Variants in USH2A observed in about 807,000 individuals in gnomAD.
USH2A encodes Usher syndrome 2A (autosomal recessive, mild).
USH2A carries 443 observed loss-of-function variants against 538.9 expected under a neutral mutation model. The observed-to-expected ratio is 0.82, with a 90% CI of 0.76 to 0.89. The LOEUF is 0.89. USH2A is among the 40% of genes least tolerant of loss of function. The pLI is 0.00. For synonymous variants in USH2A, 2,413 were observed against 2,273.5 expected, an observed-to-expected ratio of 1.06 and a Z score of -1.75; for missense variants, 6,633 against 6,324.8, an observed-to-expected ratio of 1.05 and a Z score of -1.65.
chr1:215,840,768 T>C (rs1224426809), intron 46 of USH2A, among the ~76,000 whole-genome samples: 1 of 152,218 alleles, frequency 6.6e-6, no homozygotes, highest in East Asian at 1.9e-4. Flanking sequence ...AAGGTGCCTT[T>C]GAAAACTCAG....
At chr1:216,147,274 T>A (rs1486411532) in intron 21 of USH2A, among the ~76,000 whole-genome samples, 1 of 152,002 alleles carries the variant, frequency 6.6e-6, no homozygotes, top group South Asian at 2.1e-4. Flanking sequence ...CAGCCTCTGC[T>A]CCTCCACCCT....
At chr1:216,045,067 T>G (rs1346295319) in intron 32 of USH2A, among the ~76,000 whole-genome samples, 1 of 152,102 alleles carries the variant, frequency 6.6e-6, no homozygotes, top group Non-Finnish European at 1.5e-5. Flanking sequence ...AGGGACAGTA[T>G]CTGGCCAGTT....
At chr1:215,818,438 T>A (rs1662920489) in intron 47 of USH2A, among the ~76,000 whole-genome samples, 1 of 151,766 alleles carries the variant, frequency 6.6e-6, no homozygotes, top group South Asian at 2.1e-4. Flanking sequence ...ACTAGCATGG[T>A]CTGAAATGAT....
At chr1:215,920,336 C>T (rs1164537152) in intron 38 of USH2A, among the ~76,000 whole-genome samples, 2 of 152,028 alleles carry the variant, frequency 1.3e-5, no homozygotes, top group African/African-American at 4.8e-5. Flanking sequence ...ATTTAATATG[C>T]CACAACCAGT....
chr1:216,333,487 C>T (rs2102668031), intron 4 of USH2A, among the ~76,000 whole-genome samples: 1 of 152,002 alleles, frequency 6.6e-6, no homozygotes, highest in South Asian at 2.1e-4. Flanking sequence ...TCAAGAGTAC[C>T]AGCATAGGCA....
intron 58 of USH2A, among the ~76,000 whole-genome samples, chr1:215,745,642 A>T (rs1248704563): frequency 3.3e-5 from 5 of 152,208 alleles, no homozygotes; most frequent in Non-Finnish European, 7.3e-5. Flanking sequence ...ATTTTTTAAG[A>T]TGAGAAAACT....
intron 11 of USH2A, among the ~76,000 whole-genome samples, chr1:216,260,882 C>T (rs550202094): frequency 5.3e-5 from 8 of 152,162 alleles, no homozygotes; most frequent in East Asian, 3.9e-4. Flanking sequence ...TAAAGAAAGC[C>T]GGGAGCCAGA....
At chr1:216,381,794 G>A (rs768733016) in intron 3 of USH2A, among the ~76,000 whole-genome samples, 7 of 152,092 alleles carry the variant, frequency 4.6e-5, no homozygotes, top group Non-Finnish European at 7.4e-5. Flanking sequence ...CAAGGGATTG[G>A]TTCCAGGATC....
intron 3 of USH2A, among the ~76,000 whole-genome samples, chr1:216,370,677 C>CTAAAAAAAAAAAAAA (rs2038694476): frequency 3.3e-5 from 1 of 29,990 alleles, no homozygotes; most frequent in Non-Finnish European, 6.1e-5. Flanking sequence ...GACTCTGTCT[C>CTAAAAAAAAAAAAAA]AAAAAAAAAA....
At chr1:216,135,166 T>TCTCTCA (rs1478398683) in intron 21 of USH2A, among the ~76,000 whole-genome samples, 14 of 90,344 alleles carry the variant, frequency 1.5e-4, no homozygotes, top group African/African-American at 7.3e-4. Flanking sequence ...TCTCTCTCTC[T>TCTCTCA]CACACACACA....
At chr1:216,245,647 G>GC (rs1558340779) in intron 13 of USH2A, among the ~76,000 whole-genome samples, 1 of 152,016 alleles carries the variant, frequency 6.6e-6, no homozygotes, top group African/African-American at 2.4e-5. Flanking sequence ...AGTTCAAGTT[G>GC]TTTTTTAATA....
At chr1:216,284,386 C>T (rs981418054) in intron 11 of USH2A, among the ~76,000 whole-genome samples, 1 of 152,114 alleles carries the variant, frequency 6.6e-6, no homozygotes, top group African/African-American at 2.4e-5. Context: ...TTCCCCCACC[C>T]TCACTTGGCA....
At chr1:216,274,046 G>C (rs1280799364) in intron 11 of USH2A, among the ~76,000 whole-genome samples, 1 of 152,008 alleles carries the variant, frequency 6.6e-6, no homozygotes, top group Non-Finnish European at 1.5e-5. Flanking sequence ...TTTTTAAAAA[G>C]TTCTGTTGAT....
chr1:216,046,337 G>A, intron 32 of USH2A, 94 bp downstream of exon 32: 1 of 1,403,642 alleles, frequency 7.1e-7, no homozygotes, highest in East Asian at 2.3e-5. Flanking sequence ...TAAATTTGCA[G>A]ATATGGAACC....
intron 61 of USH2A, among the ~76,000 whole-genome samples, chr1:215,715,570 A>G (rs927576942): frequency 7.9e-5 from 12 of 152,116 alleles, no homozygotes; most frequent in Non-Finnish European, 1.5e-4. Context: ...TCCCTAGAAA[A>G]CTTCCAGAGG....
intron 14 of USH2A, among the ~76,000 whole-genome samples, chr1:216,228,799 G>A (rs1220983773): frequency 1.3e-5 from 2 of 152,130 alleles, no homozygotes; most frequent in Admixed American, 1.3e-4. Flanking sequence ...TTTTAAAAAG[G>A]TAATCTCACC....
At chr1:215,810,631 C>A (rs891065273) in intron 49 of USH2A, among the ~76,000 whole-genome samples, 1 of 152,136 alleles carries the variant, frequency 6.6e-6, no homozygotes, top group Non-Finnish European at 1.5e-5. Context: ...CACAAAACGT[C>A]CATCTGATCA....
intron 11 of USH2A, among the ~76,000 whole-genome samples, chr1:216,288,888 T>G (rs1332781190): frequency 6.6e-6 from 1 of 152,198 alleles, no homozygotes; most frequent in East Asian, 1.9e-4. Flanking sequence ...AATTTCCATT[T>G]GGCCCTAAGT....
chr1:215,770,602 T>C (rs924647712), intron 55 of USH2A, among the ~76,000 whole-genome samples: 7 of 152,034 alleles, frequency 4.6e-5, no homozygotes, highest in Non-Finnish European at 1.0e-4. Flanking sequence ...TTCAAGGAAG[T>C]TAGTTATAAG....
Sources: gnomAD v4.1 joint callset for allele counts (sites outside exome capture counted in the v4.1 genomes callset) on GRCh38, gnomAD v4.1.1 for gene constraint, MANE v1.5 for transcripts, NCBI Gene and HGNC (gene_info 2026-07-23, HGNC 2026-07-21) for gene names.